Variants in RAB27B observed in about 807,000 individuals in gnomAD.
The protein encoded by RAB27B is ras-related protein Rab-27B.
RAB27B carries 15 observed loss-of-function variants against 24.6 expected under a neutral mutation model. The ratio of observed to expected loss-of-function variants is 0.61; its 90% CI spans 0.41 to 0.94. The LOEUF is 0.94. RAB27B is among the 40% of genes least tolerant of loss of function. RAB27B has a pLI of 0.00. For missense variants in RAB27B, 261 were observed against 266.8 expected (o/e 0.98, Z 0.15); for synonymous variants, 105 against 92.5 (o/e 1.14, Z -0.78).
In RAB27B at chr18:54,783,954, G is replaced by T. The variant is rs9966908; in HGVS notation, c.-20+65813G>T. 2.5e-3 allele frequency among the ~76,000 whole-genome samples: 386 copies of T among 152,230 alleles called. 1 individual carries two copies. The highest frequency in any genetic ancestry group is 9.0e-3 in the African/African-American group (372 of 41,538). The stretch of plus-strand genomic sequence containing the variant: ...AACACTTGTTTGTGACCAGAGGTAG[G>T]GTCAATGTTACCCAAATATGTTTGC... On this transcript the variant is annotated intron_variant, in intron 2 of 4. Coordinates refer to the RAB27B transcript ENST00000586570.
At chr18:54,792,517 C>T (rs1909283057) in intron 2 of RAB27B, among the ~76,000 whole-genome samples, 1 of 152,124 alleles carries the variant, frequency 6.6e-6, no homozygotes, top group Non-Finnish European at 1.5e-5. Context: ...GATTTAAGAA[C>T]TTAAATGAAC....
At chr18:54,784,251 A>G (rs1909009569) in intron 2 of RAB27B, among the ~76,000 whole-genome samples, 1 of 152,256 alleles carries the variant, frequency 6.6e-6, no homozygotes, top group Non-Finnish European at 1.5e-5. Context: ...TCAAATTGCC[A>G]TCATAACTGG....
chr18:54,805,244 A>T (rs1456109657), intron 2 of RAB27B, among the ~76,000 whole-genome samples: 3 of 152,124 alleles, frequency 2.0e-5, no homozygotes. Flanking sequence ...AGTGCCAGGG[A>T]TGTAGCTGGA....
chr18:54,809,203 TTAGA>T (rs1395815172), intron 2 of RAB27B, among the ~76,000 whole-genome samples: 1 of 152,200 alleles, frequency 6.6e-6, no homozygotes, highest in African/African-American at 2.4e-5. Context: ...CATATTGTTG[TTAGA>T]TAGGACACAT....
At chr18:54,859,212 A>G (rs1015119179) in intron 1 of RAB27B, among the ~76,000 whole-genome samples, 1 of 152,224 alleles carries the variant, frequency 6.6e-6, no homozygotes, top group African/African-American at 2.4e-5. Flanking sequence ...CAACTGTCTT[A>G]TAACAAATCT....
At position 54,871,865 on chromosome 18, in the gene RAB27B, A is replaced by G. The variant is rs563198458; in HGVS notation, c.-19-5702A>G. On this transcript the variant is annotated intron_variant, in intron 1 of 5. Transcript: ENST00000262094. ...ACTCCATCTCAAAAAAAAAAAAAAA[A>G]AAAAGAAATATTAAGTTGGTTTCTG... 6.0e-4 allele frequency among the ~76,000 whole-genome samples: 91 copies of G among 151,966 alleles called. 2 individuals carry two copies. In the South Asian group the frequency reaches 0.017, roughly 29 times the overall value.
intron 1 of RAB27B, among the ~76,000 whole-genome samples, chr18:54,834,706 T>C (rs1910824649): frequency 6.6e-6 from 1 of 152,046 alleles, no homozygotes; most frequent in East Asian, 1.9e-4. Context: ...TGTGCATGTA[T>C]GTAAACATGG....
In RAB27B at chr18:54,799,573, AATAT is replaced by A. The variant is rs1408402219; in HGVS notation, c.-19-77990_-19-77987del. Reference sequence around the variant, plus strand: ...TATTACAAAAGCAAGGTATACTTGCAATATATACAGGAGAAAAATATCAGAATAT... The same window carrying A: ...TATTACAAAAGCAAGGTATACTTGCAATACAGGAGAAAAATATCAGAATAT... On this transcript the variant is annotated intron_variant, in intron 2 of 4. Coordinates refer to the RAB27B transcript ENST00000586570. Among the ~76,000 whole-genome samples, 7 of 151,376 alleles carry A rather than the reference AATAT, an allele frequency of 4.6e-5. No homozygotes were observed. The East Asian group carries it at 9.7e-4, about 21-fold the overall frequency.
intron 1 of RAB27B, among the ~76,000 whole-genome samples, chr18:54,843,314 C>A (rs889463436): frequency 2.0e-5 from 3 of 151,800 alleles, no homozygotes; most frequent in African/African-American, 7.3e-5. Flanking sequence ...TTTGTTAAAG[C>A]TTTGTGGTAA....
intron 1 of RAB27B, among the ~76,000 whole-genome samples, chr18:54,865,803 A>G (rs1912195692): frequency 6.6e-6 from 1 of 152,324 alleles, no homozygotes; most frequent in East Asian, 1.9e-4. Context: ...TGCAATAAAC[A>G]CTTCAACTAT....
chr18:54,832,902 A>T (rs1910742132), intron 1 of RAB27B, among the ~76,000 whole-genome samples: 2 of 152,224 alleles, frequency 1.3e-5, no homozygotes, highest in African/African-American at 2.4e-5. Flanking sequence ...ACTATAAAAA[A>T]TTCTGAAAAT....
In RAB27B at chr18:54,811,685, G is replaced by T. The variant is rs188333154; in HGVS notation, c.-19-65882G>T. Among the ~76,000 whole-genome samples the T allele has an allele frequency of 3.3e-4, 50 of 152,254 alleles. No individual in the cohort carries two copies. In the East Asian group the frequency reaches 9.5e-3, roughly 29 times the overall value. On this transcript the variant is annotated intron_variant, in intron 2 of 4. Transcript: ENST00000586570. ...TGAAGATCAGCTATCGATTTACGTT[G>T]CCAGGGTGAAATTCAATGGAACTGT...
Position 54,785,233 on chromosome 18 carries a change from C to T in RAB27B, c.-20+67092C>T, listed in dbSNP as rs146190134. Among the ~76,000 whole-genome samples, 408 of 150,866 alleles carry T rather than the reference C, an allele frequency of 2.7e-3. 2 individuals carry two copies. Among genetic ancestry groups the T allele is most frequent in the African/African-American group, 9.4e-3 (386 of 41,044 alleles). ...TCTCTTGTCTCAGCCTCTTGAGTAGCTGGGATTACAGGTGTGCATCAGCAT... is the reference window on the plus strand; with the variant it reads ...TCTCTTGTCTCAGCCTCTTGAGTAGTTGGGATTACAGGTGTGCATCAGCAT... On this transcript the variant is annotated intron_variant, in intron 2 of 4. Transcript: ENST00000586570.
At chr18:54,881,315 G>A (rs150017760) in intron 3 of RAB27B, among the ~76,000 whole-genome samples, 1 of 152,188 alleles carries the variant, frequency 6.6e-6, no homozygotes, top group East Asian at 1.9e-4. Flanking sequence ...AAAAAGTTGT[G>A]GCAGGGGTGG....
chr18:54,886,709 G>A (rs1358410422), intron 4 of RAB27B, among the ~76,000 whole-genome samples: 1 of 151,958 alleles, frequency 6.6e-6, no homozygotes, highest in Non-Finnish European at 1.5e-5. Flanking sequence ...CTTTTTCAAG[G>A]CAGATGAGAG....
chr18:54,867,772 T>C (rs1282452534), intron 1 of RAB27B, among the ~76,000 whole-genome samples: 1 of 152,030 alleles, frequency 6.6e-6, no homozygotes, highest in Non-Finnish European at 1.5e-5. Flanking sequence ...CTTATGAACC[T>C]GAAGTTAGCA....
chr18:54,817,130 T>C (rs903368705), intron 2 of RAB27B, among the ~76,000 whole-genome samples: 3 of 152,256 alleles, frequency 2.0e-5, no homozygotes, highest in Non-Finnish European at 2.9e-5. Flanking sequence ...CTTGAAACTT[T>C]CCTTGCTAAG....
At chr18:54,751,255 T>C (rs2145032288) in intron 2 of RAB27B, among the ~76,000 whole-genome samples, 1 of 151,570 alleles carries the variant, frequency 6.6e-6, no homozygotes, top group Middle Eastern at 3.4e-3. Flanking sequence ...GGAGGTGAGG[T>C]CTACAGCACT....
intron 1 of RAB27B, among the ~76,000 whole-genome samples, chr18:54,838,260 T>G (rs1910972370): frequency 6.6e-6 from 1 of 152,148 alleles, no homozygotes. Context: ...TAGATTCCAA[T>G]AATATGCAAA....
Sources: gnomAD v4.1 joint callset for allele counts (sites outside exome capture counted in the v4.1 genomes callset) on GRCh38, gnomAD v4.1.1 for gene constraint, MANE v1.5 for transcripts, NCBI Gene and HGNC (gene_info 2026-07-23, HGNC 2026-07-21) for gene names.